DHCR24: variants seen among roughly 807,000 people sequenced by gnomAD.
DHCR24 encodes the protein delta(24)-sterol reductase.
In DHCR24, 28 loss-of-function variants were observed where a neutral mutation model predicts 61.2. The ratio of observed to expected loss-of-function variants is 0.46; its 90% CI spans 0.34 to 0.63. The LOEUF is 0.63. DHCR24 is among the 20% of genes least tolerant of loss of function. The pLI is 0.01. For missense variants in DHCR24, 538 were observed against 679.1 expected, an observed-to-expected ratio of 0.79 and a Z score of 2.31; for synonymous variants, 261 against 275.9, an observed-to-expected ratio of 0.95 and a Z score of 0.54.
At chr1:54,880,961 C>T (rs887352023) in intron 2 of DHCR24, among the ~76,000 whole-genome samples, 1 of 152,054 alleles carries the variant, frequency 6.6e-6, no homozygotes, top group Non-Finnish European at 1.5e-5. Context: ...CCAGCCTGGC[C>T]AACATGGTGA....
chr1:54,864,084 G>A (rs907931655), intron 6 of DHCR24, among the ~76,000 whole-genome samples: 4 of 152,136 alleles, frequency 2.6e-5, no homozygotes, highest in Non-Finnish European at 4.4e-5. Flanking sequence ...AAAATAGAGC[G>A]CTCATACATT....
At chr1:54,874,594 TATAAC>T (rs1647016394) in intron 4 of DHCR24, among the ~76,000 whole-genome samples, 2 of 152,304 alleles carry the variant, frequency 1.3e-5, no homozygotes, top group Admixed American at 1.3e-4. Flanking sequence ...ACTTGTTTCT[TATAAC>T]ATATCCCTAC....
intron 6 of DHCR24, among the ~76,000 whole-genome samples, chr1:54,857,716 T>G (rs904623012): frequency 1.3e-5 from 2 of 152,256 alleles, no homozygotes; most frequent in African/African-American, 4.8e-5. Flanking sequence ...CAAATATTTA[T>G]GACAAGAGAC....
Position 54,882,063 on chromosome 1 carries a change from C to T in DHCR24, c.387+1555G>A, listed in dbSNP as rs1647066215. 5.3e-5 allele frequency among the ~76,000 whole-genome samples: 8 copies of T among 151,174 alleles called. No individual in the cohort carries two copies. The South Asian group carries it at 1.5e-3, about 28-fold the overall frequency. On this transcript the variant is annotated intron_variant, in intron 2 of 8. Transcript: ENST00000371269. The stretch of plus-strand genomic sequence containing the variant: ...CTGGGTGATGAAATAATATGTACAA[C>T]AAACCCCATGACACACGTTTACCTA...
At chr1:54,860,905 A>G (rs903119412) in intron 6 of DHCR24, among the ~76,000 whole-genome samples, 2 of 151,558 alleles carry the variant, frequency 1.3e-5, no homozygotes, top group African/African-American at 4.8e-5. Flanking sequence ...GGAGAATGGC[A>G]TGAACCCGGG....
At chr1:54,884,615 C>T (rs983576190) in intron 1 of DHCR24, among the ~76,000 whole-genome samples, 1 of 152,112 alleles carries the variant, frequency 6.6e-6, no homozygotes, top group African/African-American at 2.4e-5. Context: ...GTCATTTTGA[C>T]CTGTGACCAT....
At chr1:54,878,383 G>A (rs1194223508) in intron 2 of DHCR24, among the ~76,000 whole-genome samples, 2 of 151,568 alleles carry the variant, frequency 1.3e-5, no homozygotes, top group East Asian at 3.9e-4. Context: ...GCGTGGTGGT[G>A]GGTGCCTGTA....
intron 6 of DHCR24, 100 bp from the exon 7 acceptor site, chr1:54,854,334 A>G: frequency 9.7e-7 from 1 of 1,026,662 alleles, no homozygotes; most frequent in Non-Finnish European, 1.5e-6. Flanking sequence ...TGTGCTTGAC[A>G]GAAGCACGCC....
At position 54,851,807 on chromosome 1, in the gene DHCR24, CT is replaced by C; in HGVS notation, c.*425del. The C allele has an allele frequency of 4.7e-6, 1 of 214,790 alleles. No individual in the cohort carries two copies. The highest frequency in any genetic ancestry group is 9.4e-6 in the Non-Finnish European group (1 of 106,096). 13.3% of individuals were successfully genotyped at this position (214,790 alleles called of 1,614,324 possible). On this transcript the variant is annotated 3_prime_UTR_variant, in exon 9 of 9. Transcript: ENST00000371269. Reference sequence around the variant, plus strand: ...GTGCACAGGTGACCTAATGTGGAGCCTTTTCAGGCTCCACTGCAGATGTGAC... The same window carrying C: ...GTGCACAGGTGACCTAATGTGGAGCCTTTCAGGCTCCACTGCAGATGTGAC...
rs1238220844 is a variant in DHCR24, at chr1:54,875,231, AGT to A, written c.494-22_494-21del. 2 of 1,608,188 alleles carry A rather than the reference AGT, an allele frequency of 1.2e-6. No individual in the cohort carries two copies. The highest frequency in any genetic ancestry group is 2.7e-5 in the African/African-American group (2 of 74,792). On this transcript the variant is annotated intron_variant, in intron 3 of 8. Transcript: ENST00000371269. ...AGCCCCCTGCAGAGACATCACACAC[AGT>A]GTCAGCAGGGAGAGCTGTGGGTACA... is the stretch of plus-strand genomic sequence containing the variant.
At chr1:54,868,422 A>C (rs1646979325) in intron 5 of DHCR24, among the ~76,000 whole-genome samples, 1 of 151,992 alleles carries the variant, frequency 6.6e-6, no homozygotes, top group Non-Finnish European at 1.5e-5. Flanking sequence ...GTGAGCCGAG[A>C]TCCCGCCACT....
intron 6 of DHCR24, 95 bp downstream of exon 6, chr1:54,865,208 C>G: frequency 6.8e-7 from 1 of 1,480,208 alleles, no homozygotes; most frequent in Admixed American, 2.0e-5. Context: ...CCACTCTTTA[C>G]CCTGAAGGGA....
intron 2 of DHCR24, among the ~76,000 whole-genome samples, chr1:54,877,814 C>A (rs1647041678): frequency 6.6e-6 from 1 of 151,720 alleles, no homozygotes; most frequent in South Asian, 2.1e-4. Context: ...AGTTCAAGAC[C>A]AGCCCGACAA....
chr1:54,884,520 C>T (rs1647082332), intron 1 of DHCR24, among the ~76,000 whole-genome samples: 1 of 152,192 alleles, frequency 6.6e-6, no homozygotes, highest in Non-Finnish European at 1.5e-5. Flanking sequence ...GAACAAATGG[C>T]CCATGGATGA....
chr1:54,859,463 T>C (rs1350391195), intron 6 of DHCR24, among the ~76,000 whole-genome samples: 3 of 152,150 alleles, frequency 2.0e-5, no homozygotes, highest in Non-Finnish European at 2.9e-5. Context: ...TTACTTTGTC[T>C]CCAACAGTTC....
intron 2 of DHCR24, among the ~76,000 whole-genome samples, chr1:54,879,306 G>C (rs976236722): frequency 5.2e-5 from 6 of 114,924 alleles, no homozygotes; most frequent in African/African-American, 2.0e-4. Flanking sequence ...CTGGAGGACA[G>C]AGCAAGACTC....
intron 1 of DHCR24, among the ~76,000 whole-genome samples, chr1:54,885,060 T>G (rs1005366326): frequency 6.6e-6 from 1 of 152,234 alleles, no homozygotes; most frequent in Non-Finnish European, 1.5e-5. Context: ...GAATTGAGCT[T>G]CTTTCACTTG....
chr1:54,874,377 T>A (rs1054217476), intron 4 of DHCR24, among the ~76,000 whole-genome samples: 1 of 152,334 alleles, frequency 6.6e-6, no homozygotes, highest in South Asian at 2.1e-4. Flanking sequence ...ATTTTTACTG[T>A]ACCTTTTCCA....
intron 4 of DHCR24, among the ~76,000 whole-genome samples, chr1:54,873,765 G>T (rs597021): frequency 0.62 from 94,609 of 152,110 alleles, 29,929 homozygotes; most frequent in South Asian, 0.78. Flanking sequence ...TCCTCCTGCT[G>T]CAGCCTCCAC....
Sources: allele counts gnomAD v4.1 joint callset (sites outside exome capture counted in the v4.1 genomes callset), GRCh38; gene constraint gnomAD v4.1.1; transcripts MANE v1.5; gene names NCBI Gene and HGNC (gene_info 2026-07-23, HGNC 2026-07-21).